The following IFT43 variants were observed in gnomAD, a reference collection of about 807,000 sequenced individuals.
The protein encoded by IFT43 is intraflagellar transport protein 43 homolog.
A neutral mutation model predicts 32.3 loss-of-function variants in IFT43; 33 were observed. The ratio of observed to expected loss-of-function variants is 1.02; its 90% CI spans 0.77 to 1.37. The LOEUF (loss-of-function observed/expected upper bound fraction) is 1.37, where lower values mean the gene tolerates loss of function less well. IFT43 is among the 40% of genes most tolerant of loss of function. The probability of loss-of-function intolerance (pLI) is 0.00; values close to 1 mark genes in which losing one functional copy is unlikely to be tolerated. For missense variants in IFT43, 274 were observed against 265.9 expected (o/e 1.03, Z -0.21); for synonymous variants, 93 against 98.2 (o/e 0.95, Z 0.31).
chr14:76,005,909 A>G (rs1282557834), intron 2 of IFT43, among the ~76,000 whole-genome samples: 1 of 151,374 alleles, frequency 6.6e-6, no homozygotes, highest in East Asian at 1.9e-4. Flanking sequence ...AGTTGAATAC[A>G]TACTACTTTC....
At chr14:75,986,447 A>AG (rs71122510) in intron 1 of IFT43, 2 of 39,138 alleles carry the variant, frequency 5.1e-5, no homozygotes, top group African/African-American at 7.7e-4. Context: ...GCCTGGGTTC[A>AG]AAAAAAAAAA....
intron 2 of IFT43, among the ~76,000 whole-genome samples, chr14:75,999,281 A>ATATATTTTTT (rs1566699821): frequency 7.7e-5 from 3 of 39,062 alleles, no homozygotes; most frequent in South Asian, 9.4e-4. Flanking sequence ...ATGTATATAT[A>ATATATTTTTT]TTTTTTTTTT....
At chr14:76,079,209 C>G (rs370731832) in intron 5 of IFT43, among the ~76,000 whole-genome samples, 5 of 152,198 alleles carry the variant, frequency 3.3e-5, no homozygotes, top group African/African-American at 9.6e-5. Context: ...CTCATAGATT[C>G]ACTCCATGCA....
intron 3 of IFT43, among the ~76,000 whole-genome samples, chr14:76,028,953 T>A (rs1251275212): frequency 6.6e-6 from 1 of 152,108 alleles, no homozygotes; most frequent in Non-Finnish European, 1.5e-5. Flanking sequence ...ATAGAATGAT[T>A]TATTTTCCTT....
At chr14:76,075,652 A>G (rs2037399970) in intron 5 of IFT43, among the ~76,000 whole-genome samples, 1 of 152,246 alleles carries the variant, frequency 6.6e-6, no homozygotes, top group Admixed American at 6.5e-5. Context: ...CTCTTTGTAA[A>G]TGAGGGGACA....
chr14:76,017,212 T>C (rs2036204922), intron 2 of IFT43, among the ~76,000 whole-genome samples: 1 of 152,120 alleles, frequency 6.6e-6, no homozygotes, highest in Non-Finnish European at 1.5e-5. Context: ...AGTTGAGGAC[T>C]GATTTGTTCC....
rs560314889 is a variant in IFT43 at position 76,036,938 on chromosome 14, C to T, written c.215+14544C>T. Among the ~76,000 whole-genome samples, 25 of 152,020 alleles carry T rather than the reference C, an allele frequency of 1.6e-4. 1 individual carries two copies. Among genetic ancestry groups the T allele is most frequent in the African/African-American group, 6.0e-4 (25 of 41,430 alleles). On this transcript the variant is annotated intron_variant, in intron 3 of 8. Transcript: ENST00000314067. ...GAACTCCTAGGCTCAAGTGATACTC[C>T]TGCCCCAGCCTCCCGATTAGCTAGG... is the stretch of plus-strand genomic sequence containing the variant.
chr14:76,069,875 G>T (rs1326902033), intron 5 of IFT43, among the ~76,000 whole-genome samples: 2 of 152,006 alleles, frequency 1.3e-5, no homozygotes, highest in African/African-American at 4.8e-5. Flanking sequence ...ACCCCCACTG[G>T]AGAGGGCTGT....
chr14:76,002,895 G>C (rs1458601437), intron 2 of IFT43, among the ~76,000 whole-genome samples: 1 of 152,236 alleles, frequency 6.6e-6, no homozygotes, highest in Admixed American at 6.5e-5. Flanking sequence ...GGGGAAGCCA[G>C]GATTTAGGAG....
In IFT43 at chr14:76,000,489, G is replaced by T. The variant is rs566471669; in HGVS notation, c.147+11512G>T. On this transcript the variant is annotated intron_variant, in intron 2 of 8. Coordinates refer to ENST00000314067, the MANE Select transcript of IFT43 (RefSeq NM_001102564.3). ...GGGTTTCACCGTGTTCGCCAGGATTGTCTCGATCTCCTGACCTCATGATCC... is the reference window on the plus strand; with the variant it reads ...GGGTTTCACCGTGTTCGCCAGGATTTTCTCGATCTCCTGACCTCATGATCC... 1.3e-3 allele frequency among the ~76,000 whole-genome samples: 191 copies of T among 150,838 alleles called. 4 individuals are homozygous for T. The South Asian group carries it at 0.018, about 14-fold the overall frequency.
intron 2 of IFT43, among the ~76,000 whole-genome samples, chr14:75,991,386 A>AGAGTGT (rs896565587): frequency 7.3e-5 from 7 of 95,918 alleles, no homozygotes; most frequent in African/African-American, 3.3e-4. Flanking sequence ...AATATTAACA[A>AGAGTGT]GAGTGTGTGT....
intron 3 of IFT43, among the ~76,000 whole-genome samples, chr14:76,028,552 A>G (rs572032759): frequency 1.3e-5 from 2 of 152,202 alleles, no homozygotes; most frequent in African/African-American, 2.4e-5. Context: ...TTGAGCTTCT[A>G]TTGATCCTGT....
intron 2 of IFT43, among the ~76,000 whole-genome samples, chr14:75,992,610 A>G (rs2035665481): frequency 6.6e-6 from 1 of 152,162 alleles, no homozygotes; most frequent in African/African-American, 2.4e-5. Context: ...CAGTGGCATG[A>G]TAATGGCTCA....
chr14:76,011,587 G>A (rs186254943), intron 2 of IFT43, among the ~76,000 whole-genome samples: 5 of 152,324 alleles, frequency 3.3e-5, no homozygotes, highest in Admixed American at 3.3e-4. Context: ...AAAATGCCCA[G>A]TTGCCCACCA....
At chr14:76,017,131 A>G (rs1041507001) in intron 2 of IFT43, among the ~76,000 whole-genome samples, 1 of 152,186 alleles carries the variant, frequency 6.6e-6, no homozygotes, top group African/African-American at 2.4e-5. Flanking sequence ...CAGTTCTTAG[A>G]GGAAAAATGT....
chr14:76,062,883 A>T (rs561528149), intron 5 of IFT43, among the ~76,000 whole-genome samples: 2 of 137,890 alleles, frequency 1.5e-5, no homozygotes, highest in East Asian at 2.3e-4. Context: ...GCACCACTGC[A>T]CTCCAGCCTG....
At chr14:76,062,938 A>AAAAAAAAAGAAAAAAG (rs1485146040) in intron 5 of IFT43, among the ~76,000 whole-genome samples, 35 of 120,866 alleles carry the variant, frequency 2.9e-4, no homozygotes, top group South Asian at 1.1e-3. Flanking sequence ...AAAAAAAAAA[A>AAAAAAAAAGAAAAAAG]AAAGAAAATA....
intron 6 of IFT43, 89 bp from the exon 7 acceptor site, chr14:76,082,528 T>C: frequency 6.8e-7 from 1 of 1,468,860 alleles, no homozygotes; most frequent in Non-Finnish European, 9.5e-7. Flanking sequence ...TCCCCTGCTG[T>C]ATACAAGGTT....
Position 76,080,646 on chromosome 14 carries a change from C to T in IFT43, c.296-1649C>T, listed in dbSNP as rs898032768. 2.6e-5 allele frequency among the ~76,000 whole-genome samples: 4 copies of T among 152,288 alleles called. No individual in the cohort carries two copies. In the East Asian group the frequency reaches 5.8e-4, roughly 22 times the overall value. ...CAAAACTGTCACACTGCCGATGGTG[C>T]GTGGCACAGCCAGCTTCCTCTCTGT... On this transcript the variant is annotated intron_variant, in intron 5 of 8. Coordinates refer to ENST00000314067, the MANE Select transcript of IFT43 (RefSeq NM_001102564.3).
Sources: gnomAD v4.1 joint callset for allele counts (sites outside exome capture counted in the v4.1 genomes callset) on GRCh38, gnomAD v4.1.1 for gene constraint, MANE v1.5 for transcripts, NCBI Gene and HGNC (gene_info 2026-07-23, HGNC 2026-07-21) for gene names.